PPP1R9A: variants seen among roughly 807,000 people sequenced by gnomAD.
The protein encoded by PPP1R9A is protein phosphatase 1 regulatory subunit 9A.
PPP1R9A carries 59 observed loss-of-function variants against 141.9 expected under a neutral mutation model. That is an observed-to-expected ratio of 0.42 (90% CI 0.34 to 0.52). The LOEUF is 0.52. Among genes scored for constraint, PPP1R9A ranks in the 20% least tolerant of loss-of-function variants. The pLI is 0.10. For missense variants in PPP1R9A, 1,444 were observed against 1,611.9 expected, an observed-to-expected ratio of 0.90 and a Z score of 1.78; for synonymous variants, 500 against 569.7, an observed-to-expected ratio of 0.88 and a Z score of 1.74.
At chr7:95,197,508 C>T (rs889046660) in intron 5 of PPP1R9A, among the ~76,000 whole-genome samples, 2 of 152,056 alleles carry the variant, frequency 1.3e-5, no homozygotes, top group African/African-American at 4.8e-5. Flanking sequence ...ATCTTTCCCC[C>T]CAAAGGAAGT....
At chr7:95,200,620 A>G (rs1789349077) in intron 6 of PPP1R9A, among the ~76,000 whole-genome samples, 1 of 152,122 alleles carries the variant, frequency 6.6e-6, no homozygotes, top group African/African-American at 2.4e-5. Context: ...AGATGGAAAA[A>G]GAATAGTTTT....
intron 14 of PPP1R9A, among the ~76,000 whole-genome samples, 170 bp from the exon 15 acceptor site, chr7:95,273,729 C>A (rs2178056): frequency 0.48 from 72,406 of 151,690 alleles, 18,011 homozygotes; most frequent in Middle Eastern, 0.57. Context: ...TGCTTAACTG[C>A]GAGTTCCTCA....
chr7:94,931,894 AAT>A (rs963780666), intron 2 of PPP1R9A, among the ~76,000 whole-genome samples: 3 of 152,108 alleles, frequency 2.0e-5, no homozygotes, highest in African/African-American at 7.2e-5. Context: ...GGATTCTTAA[AAT>A]ACAGTTTCTA....
chr7:95,181,543 A>G (rs1189474073), intron 5 of PPP1R9A, among the ~76,000 whole-genome samples: 1 of 137,548 alleles, frequency 7.3e-6, no homozygotes, highest in East Asian at 2.0e-4. Context: ...TATAGAATAT[A>G]GAGAGAGAAT....
At chr7:94,921,803 A>G (rs1055954531) in intron 2 of PPP1R9A, among the ~76,000 whole-genome samples, 7 of 152,124 alleles carry the variant, frequency 4.6e-5, no homozygotes, top group African/African-American at 1.7e-4. Context: ...CAGAGCATCT[A>G]TTTCCTTTTA....
At chr7:95,266,998 A>G (rs1008478626) in intron 12 of PPP1R9A, among the ~76,000 whole-genome samples, 2 of 152,162 alleles carry the variant, frequency 1.3e-5, no homozygotes, top group Non-Finnish European at 2.9e-5. Context: ...GCTGTTCTTT[A>G]TAAGTACCTG....
chr7:95,271,763 G>C (rs1051361445), intron 14 of PPP1R9A, among the ~76,000 whole-genome samples: 1 of 152,168 alleles, frequency 6.6e-6, no homozygotes, highest in African/African-American at 2.4e-5. Context: ...TGGGGGCTCA[G>C]ATGTATAATT....
intron 4 of PPP1R9A, 84 bp downstream of exon 4, chr7:95,120,916 G>C: frequency 1.4e-6 from 2 of 1,478,970 alleles, no homozygotes; most frequent in Non-Finnish European, 1.8e-6. Context: ...TTTTGCTTTT[G>C]TTTGTTGATT....
chr7:95,039,699 C>T (rs1370888598), intron 2 of PPP1R9A, among the ~76,000 whole-genome samples: 2 of 151,330 alleles, frequency 1.3e-5, no homozygotes, highest in Non-Finnish European at 2.9e-5. Context: ...ATAGAAGCTT[C>T]CCAAATTGAA....
In PPP1R9A at chr7:95,136,672, A is replaced by G. The variant is rs568349173; in HGVS notation, c.1649+15840A>G. 2.6e-5 allele frequency among the ~76,000 whole-genome samples: 4 copies of G among 152,338 alleles called. No homozygotes were observed. In the East Asian group the frequency reaches 7.7e-4, roughly 29 times the overall value. ...TTGCTTCTTTTAAGTCTCATTAACA[A>G]GTGTGTATCAGAAATACTTTCCTAA... On this transcript the variant is annotated intron_variant, in intron 4 of 19. Transcript: ENST00000433360.
At chr7:94,973,711 TTC>T (rs1799118469) in intron 2 of PPP1R9A, among the ~76,000 whole-genome samples, 1 of 151,022 alleles carries the variant, frequency 6.6e-6, no homozygotes, top group Admixed American at 6.6e-5. Flanking sequence ...TTTATTTTTT[TTC>T]TTTCTTTCTT....
chr7:95,047,695 A>C (rs1164371953), intron 2 of PPP1R9A, among the ~76,000 whole-genome samples: 1 of 152,140 alleles, frequency 6.6e-6, no homozygotes. Context: ...AATTTGCAAT[A>C]ACTTTTGCCA....
intron 10 of PPP1R9A, among the ~76,000 whole-genome samples, chr7:95,251,200 A>G (rs951720701): frequency 1.3e-5 from 2 of 152,298 alleles, no homozygotes; most frequent in East Asian, 1.9e-4. Flanking sequence ...ATAATTTTAT[A>G]GTAAATTTTG....
intron 2 of PPP1R9A, among the ~76,000 whole-genome samples, chr7:94,995,935 T>G (rs1248776781): frequency 6.6e-6 from 1 of 152,198 alleles, no homozygotes; most frequent in Non-Finnish European, 1.5e-5. Flanking sequence ...TGGGATGCAC[T>G]TAAGTTATAT....
Position 95,111,339 on chromosome 7 carries a change from A to G in PPP1R9A, c.1476A>G (p.Glu492=). 1 of 1,613,816 alleles carries G rather than the reference A, an allele frequency of 6.2e-7. No homozygotes were observed. ...VDPVAASAEY[E]LEKRVEKLEL... ...CTGTGGCTGCTTCAGCTGAGTATGA[A>G]CTTGAAAAACGTGTAGAAAAGCTGG... is the stretch of plus-strand genomic sequence containing the variant. The change falls in exon 3 of 20, where the codon GAA becomes GAG. Residue 492 remains glutamate, a synonymous_variant. Coordinates refer to ENST00000433360, the MANE Select transcript of PPP1R9A (RefSeq NM_001166160.2).
intron 2 of PPP1R9A, among the ~76,000 whole-genome samples, chr7:95,110,943 G>A (rs1211043552): frequency 6.6e-6 from 1 of 152,186 alleles, no homozygotes; most frequent in Non-Finnish European, 1.5e-5. Flanking sequence ...TTGGGAAACA[G>A]CAGAGCGTTC....
At chr7:95,099,261 GC>G (rs1818440342) in intron 2 of PPP1R9A, among the ~76,000 whole-genome samples, 1 of 152,142 alleles carries the variant, frequency 6.6e-6, no homozygotes, top group Admixed American at 6.5e-5. Flanking sequence ...ACTGTCCACT[GC>G]CCCCAAATGG....
rs1836604320 is a variant in PPP1R9A at position 95,198,396 on chromosome 7, A to G, written c.1802A>G (p.Gln601Arg). Residue 601 changes from glutamine (Q) to arginine (R), a missense_variant, in exon 6 of 20, where the codon CAG (glutamine) becomes CGG (arginine). Transcript: ENST00000433360. ...CCAGGACAAGTGAGCGAGGTTGCCC[A>G]GTTGATAAGCCAGACACTGGAACAG... ...EKPGQVSEVA[Q>R]LISQTLEQER... The G allele has an allele frequency of 6.2e-7, 1 of 1,613,430 alleles. No homozygotes were observed. Among genetic ancestry groups the G allele is most frequent in the Non-Finnish European group, 8.5e-7 (1 of 1,179,744 alleles).
intron 5 of PPP1R9A, among the ~76,000 whole-genome samples, chr7:95,173,877 T>G (rs1832526243): frequency 6.6e-6 from 1 of 152,034 alleles, no homozygotes; most frequent in Non-Finnish European, 1.5e-5. Context: ...CACTATGCAT[T>G]GATAAGCATA....
Sources: allele counts gnomAD v4.1 joint callset (sites outside exome capture counted in the v4.1 genomes callset), GRCh38; gene constraint gnomAD v4.1.1; transcripts MANE v1.5; gene names NCBI Gene and HGNC (gene_info 2026-07-23, HGNC 2026-07-21).